The following CFI variants were observed in gnomAD, a reference collection of about 807,000 sequenced individuals.
CFI encodes complement factor I, also known as C3B/C4B inactivator.
A neutral mutation model predicts 78.8 loss-of-function variants in CFI; 66 were observed. The observed-to-expected ratio is 0.84, with a 90% confidence interval of 0.69 to 1.03. The LOEUF is 1.03. CFI is among the 50% of genes least tolerant of loss of function. The pLI is 0.00. For missense variants in CFI, 706 were observed against 704.5 expected (o/e 1.00, Z -0.02); for synonymous variants, 250 against 232.6 (o/e 1.07, Z -0.68).
chr4:109,772,478 C>T (rs1728724012), intron 1 of CFI, among the ~76,000 whole-genome samples: 1 of 152,102 alleles, frequency 6.6e-6, no homozygotes, highest in Non-Finnish European at 1.5e-5. Flanking sequence ...ACCATTGAAA[C>T]TATAGTTACT....
chr4:109,761,477 CT>C, intron 4 of CFI, 39 bp downstream of exon 4: 1 of 1,599,794 alleles, frequency 6.3e-7, no homozygotes, highest in Non-Finnish European at 8.6e-7. Flanking sequence ...AATAAACAAC[CT>C]TCAAGGAAGG....
At chr4:109,764,822 T>G (rs1238445732) in intron 2 of CFI, 132 bp from the exon 3 acceptor site, 2 of 812,350 alleles carry the variant, frequency 2.5e-6, no homozygotes, top group Non-Finnish European at 4.0e-6. Flanking sequence ...TAACAAGTAA[T>G]AGTAAGCAAT....
chr4:109,800,304 A>G (rs1732604919), intron 1 of CFI, among the ~76,000 whole-genome samples: 1 of 147,782 alleles, frequency 6.8e-6, no homozygotes, highest in Admixed American at 6.8e-5. Context: ...ATGTTGACTG[A>G]AATATTTGGC....
intron 1 of CFI, among the ~76,000 whole-genome samples, chr4:109,792,995 T>C (rs1469384470): frequency 6.6e-6 from 1 of 152,146 alleles, no homozygotes; most frequent in African/African-American, 2.4e-5. Context: ...TACTCTTCTA[T>C]TTGCTATTTG....
intron 12 of CFI, 137 bp downstream of exon 12, chr4:109,742,354 G>T: frequency 1.4e-6 from 1 of 700,710 alleles, no homozygotes. Flanking sequence ...GACTGAAAGA[G>T]TTTGAGAGTG....
rs145104359 is a variant in CFI, at chr4:109,786,694, G to A, written c.57+15221C>T. Among the ~76,000 whole-genome samples, 805 of 152,208 alleles carry A rather than the reference G, an allele frequency of 5.3e-3. 1 individual carries two copies. The highest frequency in any genetic ancestry group is 0.013 in the Admixed American group (191 of 15,266). ...TAATTAGCTGTGTGATCTTGGATAA[G>A]TGACTTTATCCTTCTGATCCTGTTC... On this transcript the variant is annotated intron_variant, in intron 1 of 12. Transcript: ENST00000394634.
intron 1 of CFI, among the ~76,000 whole-genome samples, chr4:109,783,243 C>T (rs1730288844): frequency 6.6e-6 from 1 of 152,104 alleles, no homozygotes; most frequent in African/African-American, 2.4e-5. Flanking sequence ...AAACAGACAA[C>T]CCATAGGGTG....
In CFI at chr4:109,753,067, T is replaced by C. The variant is rs865882005; in HGVS notation, c.905-564A>G. ...TATTTATTATATATTTATATATAAA[T>C]AAATATTTATAATATATATTTATTA... On this transcript the variant is annotated intron_variant, in intron 7 of 12. Coordinates refer to ENST00000394634, the MANE Select transcript of CFI (RefSeq NM_000204.5). Among the ~76,000 whole-genome samples the C allele has an allele frequency of 7.5e-3, 650 of 86,456 alleles. 54 individuals carry two copies. Among genetic ancestry groups the C allele is most frequent in the African/African-American group, 0.031 (521 of 16,954 alleles). 56.7% of individuals were successfully genotyped at this position (86,456 alleles called of 152,430 possible).
At chr4:109,761,445 G>T in intron 4 of CFI, 72 bp downstream of exon 4, 1 of 1,430,368 alleles carries the variant, frequency 7.0e-7, no homozygotes, top group Non-Finnish European at 9.9e-7. Flanking sequence ...TCAATCATTT[G>T]TTTACTATAG....
rs533177406 is a variant in CFI at position 109,744,397 on chromosome 4, C to T, written c.1430-1802G>A. 2.0e-5 allele frequency among the ~76,000 whole-genome samples: 3 copies of T among 152,266 alleles called. No individual in the cohort carries two copies. In the East Asian group the frequency reaches 5.8e-4, roughly 29 times the overall value. On this transcript the variant is annotated intron_variant, in intron 11 of 12. Coordinates refer to ENST00000394634, the MANE Select transcript of CFI (RefSeq NM_000204.5). ...GCTCCTGAATGTGCCTCAGACCATT[C>T]TCCACCCTTCAATGCCGTGCATCCT...
intron 1 of CFI, among the ~76,000 whole-genome samples, chr4:109,782,361 G>C (rs1730153213): frequency 6.7e-6 from 1 of 149,170 alleles, no homozygotes; most frequent in Non-Finnish European, 1.5e-5. Flanking sequence ...CAAATCAATA[G>C]CTCTTCTATA....
intron 3 of CFI, among the ~76,000 whole-genome samples, chr4:109,763,264 A>G (rs1204512986): frequency 6.6e-6 from 1 of 152,086 alleles, no homozygotes; most frequent in African/African-American, 2.4e-5. Flanking sequence ...ATTTTTTTCT[A>G]TTATTACTGA....
At chr4:109,785,703 A>C (rs887043679) in intron 1 of CFI, among the ~76,000 whole-genome samples, 1 of 152,060 alleles carries the variant, frequency 6.6e-6, no homozygotes, top group Non-Finnish European at 1.5e-5. Context: ...CATAATCCCC[A>C]TAATTCTGTG....
intron 9 of CFI, 41 bp downstream of exon 9, chr4:109,749,458 G>A: frequency 6.5e-7 from 1 of 1,548,534 alleles, no homozygotes; most frequent in South Asian, 1.1e-5. Flanking sequence ...AATTTAGGCT[G>A]TTTCTGGGCA....
chr4:109,757,782 G>A lies in CFI; in HGVS notation c.885C>T (p.Gly295=). The change falls in exon 7 of 13, where the codon GGC becomes GGT. Residue 295 remains glycine, a splice_region_variant and synonymous_variant. Transcript: ENST00000394634. Reference sequence around the variant, plus strand: ...TTTTACCTTGAGTCACAGATGCAAAGCCTGAAGAAAACAAAAACAAAAAAT... The same window carrying A: ...TTTTACCTTGAGTCACAGATGCAAAACCTGAAGAAAACAAAAACAAAAAAT... The part of the protein sequence containing the change: ...ITGEDEVGCA[G]FASVTQEETE... 1.4e-6 allele frequency: 2 copies of A among 1,458,616 alleles called. No homozygotes were observed. The highest frequency in any genetic ancestry group is 2.3e-5 in the South Asian group (2 of 85,514). The allele number at this position is 1,458,616 out of a possible 1,614,324, so 90.4% of individuals were successfully genotyped here.
intron 1 of CFI, among the ~76,000 whole-genome samples, chr4:109,791,452 C>T (rs1192075652): frequency 6.6e-6 from 1 of 152,088 alleles, no homozygotes; most frequent in African/African-American, 2.4e-5. Flanking sequence ...TTAATTAGAT[C>T]CCATTTGTCA....
At chr4:109,767,419 T>A (rs535172030) in intron 1 of CFI, among the ~76,000 whole-genome samples, 2,765 of 150,712 alleles carry the variant, frequency 0.018, 78 homozygotes, top group African/African-American at 0.064. Flanking sequence ...TACAATGAAC[T>A]CAAACAAATT....
chr4:109,785,703 A>G (rs887043679), intron 1 of CFI, among the ~76,000 whole-genome samples: 1 of 152,060 alleles, frequency 6.6e-6, no homozygotes, highest in African/African-American at 2.4e-5. Flanking sequence ...CATAATCCCC[A>G]TAATTCTGTG....
chr4:109,791,878 T>A (rs891374191), intron 1 of CFI, among the ~76,000 whole-genome samples: 1 of 152,200 alleles, frequency 6.6e-6, no homozygotes, highest in African/African-American at 2.4e-5. Flanking sequence ...TTGTTTTCAT[T>A]TATCTCCAAG....
Sources: gnomAD v4.1 joint callset for allele counts (sites outside exome capture counted in the v4.1 genomes callset) on GRCh38, gnomAD v4.1.1 for gene constraint, MANE v1.5 for transcripts, NCBI Gene and HGNC (gene_info 2026-07-23, HGNC 2026-07-21) for gene names.